Variants in MINDY4 observed in about 807,000 individuals in gnomAD.
MINDY4 encodes MINDY lysine 48 deubiquitinase 4.
A neutral mutation model predicts 87.0 loss-of-function variants in MINDY4; 68 were observed. The ratio of observed to expected loss-of-function variants is 0.78; its 90% confidence interval spans 0.64 to 0.96. MINDY4 has a LOEUF of 0.96. MINDY4 is among the 40% of genes least tolerant of loss of function. The probability of loss-of-function intolerance (pLI) is 0.00; values close to 1 mark genes in which losing one functional copy is unlikely to be tolerated. For missense variants in MINDY4, 919 were observed against 928.2 expected (o/e 0.99, Z 0.13); for synonymous variants, 379 against 363.2 (o/e 1.04, Z -0.50).
intron 13 of MINDY4, among the ~76,000 whole-genome samples, chr7:30,869,202 A>G (rs1190781955): frequency 6.6e-6 from 1 of 152,088 alleles, no homozygotes; most frequent in Non-Finnish European, 1.5e-5. Context: ...ATTAGACTGG[A>G]TGGTTAAGTC....
intron 17 of MINDY4, among the ~76,000 whole-genome samples, chr7:30,884,836 T>A (rs1790581641): frequency 1.3e-5 from 2 of 152,126 alleles, no homozygotes; most frequent in Admixed American, 6.5e-5. Flanking sequence ...TTGGTCTGCA[T>A]GGAGCTTAGT....
chr7:30,812,617 T>C (rs570796362), intron 5 of MINDY4, among the ~76,000 whole-genome samples: 2 of 152,298 alleles, frequency 1.3e-5, no homozygotes, highest in South Asian at 4.2e-4. Flanking sequence ...TCTTGTTACA[T>C]GGGCATCCGC....
chr7:30,819,892 ATTTTTTTTTTT>A (rs60124746), intron 5 of MINDY4, among the ~76,000 whole-genome samples: 5 of 96,678 alleles, frequency 5.2e-5, no homozygotes, highest in Non-Finnish European at 9.6e-5. Flanking sequence ...CATATAGATA[ATTTTTTTTTTT>A]TTTTTTTTTT....
Position 30,858,980 on chromosome 7 carries a change from T to G in MINDY4, c.1678-277T>G, listed in dbSNP as rs191060068. The G allele has an allele frequency of 3.0e-4, 205 of 680,896 alleles. 1 individual carries two copies. The highest frequency in any genetic ancestry group is 3.0e-3 in the African/African-American group (168 of 56,644). 42.2% of individuals were successfully genotyped at this position (680,896 alleles called of 1,614,324 possible). On this transcript the variant is annotated intron_variant, in intron 12 of 17. Coordinates refer to ENST00000265299, the MANE Select transcript of MINDY4 (RefSeq NM_032222.3). ...GCACCATAATGGAGCTGGCCATGAC[T>G]GTTGCTGTCTTGTGAGTTTTGAGGA...
intron 4 of MINDY4, 103 bp downstream of exon 4, chr7:30,786,095 G>A (rs1162714188): frequency 2.1e-6 from 3 of 1,462,904 alleles, no homozygotes; most frequent in Middle Eastern, 2.5e-4. Context: ...AGGGCAGTCC[G>A]AGAAGAGGGT....
chr7:30,889,891 T>A (rs1361303113), intron 17 of MINDY4, among the ~76,000 whole-genome samples: 1 of 152,218 alleles, frequency 6.6e-6, no homozygotes, highest in African/African-American at 2.4e-5. Context: ...ATTCTTGAAA[T>A]ATCTTTTAAA....
At chr7:30,778,943 T>A (rs920851464) in intron 2 of MINDY4, among the ~76,000 whole-genome samples, 1 of 152,234 alleles carries the variant, frequency 6.6e-6, no homozygotes, top group East Asian at 1.9e-4. Flanking sequence ...AGAGTTTCCT[T>A]CTTCAGTTCT....
intron 12 of MINDY4, chr7:30,858,281 A>T (rs1265539228): frequency 1.3e-5 from 2 of 152,204 alleles, no homozygotes; most frequent in African/African-American, 4.8e-5. Context: ...CTTTGTTTTA[A>T]CAGCTAACAC....
chr7:30,847,077 C>T (rs906932368), intron 9 of MINDY4, among the ~76,000 whole-genome samples: 12 of 152,154 alleles, frequency 7.9e-5, no homozygotes, highest in Non-Finnish European at 1.6e-4. Context: ...GGGCATCTGA[C>T]CCAGTGTCTG....
chr7:30,839,559 T>G (rs1788970389), intron 8 of MINDY4, among the ~76,000 whole-genome samples: 1 of 152,196 alleles, frequency 6.6e-6, no homozygotes, highest in East Asian at 1.9e-4. Flanking sequence ...TAAGGAGCAC[T>G]TGCTGTGAGT....
At chr7:30,836,846 A>C in intron 7 of MINDY4, 82 bp downstream of exon 7, 1 of 1,013,546 alleles carries the variant, frequency 9.9e-7, no homozygotes, top group Non-Finnish European at 1.5e-6. Flanking sequence ...TTCTGCCCCA[A>C]TCCAGCTCAT....
chr7:30,839,046 A>G (rs1273839721), intron 7 of MINDY4, among the ~76,000 whole-genome samples, 154 bp from the exon 8 acceptor site: 1 of 152,224 alleles, frequency 6.6e-6, no homozygotes, highest in Non-Finnish European at 1.5e-5. Flanking sequence ...AAGAAGAATG[A>G]GCCTGAAAAA....
intron 15 of MINDY4, among the ~76,000 whole-genome samples, chr7:30,877,871 G>C (rs1402338491): frequency 1.6e-5 from 2 of 121,426 alleles, no homozygotes; most frequent in African/African-American, 6.7e-5. Context: ...GTAGAGATGG[G>C]GTTTCACCAT....
intron 4 of MINDY4, among the ~76,000 whole-genome samples, chr7:30,789,436 G>A (rs941930877): frequency 9.2e-5 from 14 of 152,232 alleles, no homozygotes; most frequent in South Asian, 2.1e-4. Flanking sequence ...TACCTTGGCC[G>A]TACTTATTGG....
intron 5 of MINDY4, among the ~76,000 whole-genome samples, chr7:30,821,749 G>A (rs1159941934): frequency 1.4e-5 from 2 of 139,296 alleles, no homozygotes; most frequent in African/African-American, 3.1e-5. Flanking sequence ...TTGCTCCTTC[G>A]TGCAGTTTAT....
chr7:30,805,715 A>G (rs952421823), intron 5 of MINDY4, among the ~76,000 whole-genome samples: 35 of 152,112 alleles, frequency 2.3e-4, no homozygotes, highest in African/African-American at 7.5e-4. Flanking sequence ...CAGAAAGTCA[A>G]CTGTCGTGTA....
At chr7:30,887,784 C>G (rs534584961) in intron 17 of MINDY4, among the ~76,000 whole-genome samples, 1 of 152,162 alleles carries the variant, frequency 6.6e-6, no homozygotes, top group Non-Finnish European at 1.5e-5. Flanking sequence ...GACGGGGACC[C>G]GCGGGTGGCA....
intron 1 of MINDY4, among the ~76,000 whole-genome samples, chr7:30,772,775 A>G (rs1338746982): frequency 1.3e-5 from 2 of 152,150 alleles, no homozygotes; most frequent in African/African-American, 2.4e-5. Context: ...TGCATGTTGG[A>G]TATCAATTGA....
intron 17 of MINDY4, among the ~76,000 whole-genome samples, chr7:30,884,417 C>G (rs1460766830): frequency 6.6e-6 from 1 of 152,196 alleles, no homozygotes; most frequent in Admixed American, 6.5e-5. Flanking sequence ...GGTCGCTTTC[C>G]TTTCATGTAC....
Sources: gnomAD v4.1 joint callset for allele counts (sites outside exome capture counted in the v4.1 genomes callset) on GRCh38, gnomAD v4.1.1 for gene constraint, MANE v1.5 for transcripts, NCBI Gene and HGNC (gene_info 2026-07-23, HGNC 2026-07-21) for gene names.